The following PTPRT variants were observed in gnomAD, a reference collection of about 807,000 sequenced individuals.
PTPRT encodes the protein receptor-type tyrosine-protein phosphatase T.
A neutral mutation model predicts 176.8 loss-of-function variants in PTPRT; 56 were observed. The ratio of observed to expected loss-of-function variants is 0.32; its 90% CI spans 0.26 to 0.40. PTPRT has a LOEUF of 0.40. Among genes scored for constraint, PTPRT ranks in the 10% least tolerant of loss-of-function variants. The pLI is 1.00. For synonymous variants in PTPRT, 783 were observed against 739.0 expected, an observed-to-expected ratio of 1.06 and a Z score of -0.96; for missense variants, 1,540 against 1,908.2, an observed-to-expected ratio of 0.81 and a Z score of 3.60.
chr20:42,799,991 A>G (rs2077506692), intron 2 of PTPRT, among the ~76,000 whole-genome samples: 1 of 152,180 alleles, frequency 6.6e-6, no homozygotes, highest in African/African-American at 2.4e-5. Context: ...GTTCCCAAAG[A>G]AATGCAGTAC....
chr20:42,845,007 G>A (rs966223018), intron 2 of PTPRT, among the ~76,000 whole-genome samples: 5 of 152,096 alleles, frequency 3.3e-5, no homozygotes, highest in Admixed American at 1.3e-4. Context: ...TTTGCTTGAC[G>A]GGGACCATCA....
chr20:42,437,372 A>G (rs1329580029), intron 9 of PTPRT, among the ~76,000 whole-genome samples: 1 of 152,226 alleles, frequency 6.6e-6, no homozygotes. Context: ...TTGGGAAAGA[A>G]GCCAACTAGT....
intron 1 of PTPRT, among the ~76,000 whole-genome samples, chr20:43,043,842 T>A (rs1321511999): frequency 6.6e-6 from 1 of 152,184 alleles, no homozygotes; most frequent in African/African-American, 2.4e-5. Flanking sequence ...GTGAAGAAGA[T>A]GATTTTTTAA....
chr20:43,157,369 A>G (rs2014553908), intron 1 of PTPRT, among the ~76,000 whole-genome samples: 1 of 152,128 alleles, frequency 6.6e-6, no homozygotes. Context: ...GTCTCAAACA[A>G]ACAAAAGATA....
At chr20:42,063,939 G>A in the PTPRT span, 1 of 151,926 alleles carries the variant, frequency 6.6e-6, no homozygotes, top group African/African-American at 2.4e-5. Flanking sequence ...CTTAAACATT[G>A]ACAATGTATA....
At chr20:42,403,298 C>A (rs748539556) in intron 9 of PTPRT, among the ~76,000 whole-genome samples, 8 of 152,158 alleles carry the variant, frequency 5.3e-5, no homozygotes, top group Non-Finnish European at 1.2e-4. Context: ...CTAAACATTT[C>A]TCTATTTGTT....
intron 13 of PTPRT, among the ~76,000 whole-genome samples, chr20:42,271,875 A>G (rs1420649025): frequency 1.3e-5 from 2 of 152,248 alleles, no homozygotes; most frequent in African/African-American, 4.8e-5. Flanking sequence ...TTCCAGACCA[A>G]CTGATAAACA....
chr20:42,054,605 C>A, the PTPRT span, among the ~76,000 whole-genome samples: 2 of 152,150 alleles, frequency 1.3e-5, no homozygotes, highest in African/African-American at 4.8e-5. Context: ...GAGGGGGCCC[C>A]TTGTAGGGTC....
chr20:42,455,484 C>T (rs2070906349), intron 8 of PTPRT, among the ~76,000 whole-genome samples: 1 of 152,050 alleles, frequency 6.6e-6, no homozygotes, highest in Admixed American at 6.6e-5. Context: ...CTGAATAAAC[C>T]CACACAAAAG....
intron 7 of PTPRT, among the ~76,000 whole-genome samples, chr20:42,640,691 C>G (rs2074725189): frequency 6.6e-6 from 1 of 152,090 alleles, no homozygotes. Flanking sequence ...CTAATCAACA[C>G]AAGTATTGAA....
chr20:42,448,211 C>T lies in PTPRT; in HGVS notation c.1560+9G>A. ...AAGCCAATGGATGCAGCACAAGGGA[C>T]CTCCTTACCTCGTAGAGCGTGATGA... On this transcript the variant is annotated intron_variant, in intron 9 of 30. Transcript: ENST00000373187. The T allele has an allele frequency of 6.3e-7, 1 of 1,592,322 alleles. No homozygotes were observed. The highest frequency in any genetic ancestry group is 1.1e-5 in the South Asian group (1 of 90,586).
intron 14 of PTPRT, 34 bp from the exon 15 acceptor site, chr20:42,236,292 G>A (rs2056240976): frequency 6.6e-7 from 1 of 1,516,622 alleles, no homozygotes; most frequent in African/African-American, 1.4e-5. Flanking sequence ...TGAAGGAAAT[G>A]TCCAAAATGG....
intron 6 of PTPRT, among the ~76,000 whole-genome samples, chr20:42,718,607 G>A (rs1218875801): frequency 6.6e-6 from 1 of 151,986 alleles, no homozygotes; most frequent in African/African-American, 2.4e-5. Flanking sequence ...AATTTCAAGT[G>A]GAAGAAACTA....
At chr20:42,890,220 C>G (rs575981550) in intron 1 of PTPRT, among the ~76,000 whole-genome samples, 3 of 152,338 alleles carry the variant, frequency 2.0e-5, no homozygotes, top group African/African-American at 7.2e-5. Context: ...TGGATACCCA[C>G]TCCCTATTGG....
intron 2 of PTPRT, among the ~76,000 whole-genome samples, chr20:42,870,162 C>T (rs1416420061): frequency 6.6e-6 from 1 of 152,084 alleles, no homozygotes; most frequent in Non-Finnish European, 1.5e-5. Context: ...TTCCCTATCT[C>T]CCTCCTCTCC....
intron 14 of PTPRT, among the ~76,000 whole-genome samples, chr20:42,247,774 C>T (rs978591497): frequency 1.4e-4 from 22 of 152,026 alleles, no homozygotes; most frequent in Admixed American, 8.5e-4. Flanking sequence ...ACTGAGAAGA[C>T]GTGGAGGTGG....
intron 16 of PTPRT, among the ~76,000 whole-genome samples, chr20:42,170,563 G>A (rs770073221): frequency 6.6e-6 from 1 of 152,090 alleles, no homozygotes; most frequent in Non-Finnish European, 1.5e-5. Flanking sequence ...AATGGGCACT[G>A]GAATCTGTAA....
At chr20:42,123,669 T>C (rs1362951726) in intron 19 of PTPRT, among the ~76,000 whole-genome samples, 1 of 152,204 alleles carries the variant, frequency 6.6e-6, no homozygotes, top group African/African-American at 2.4e-5. Flanking sequence ...TCTTCAGAGA[T>C]AGGGATCACA....
At chr20:42,389,830 G>T (rs571168413) in intron 9 of PTPRT, among the ~76,000 whole-genome samples, 38 of 144,380 alleles carry the variant, frequency 2.6e-4, no homozygotes, top group African/African-American at 8.9e-4. Flanking sequence ...ATTCCAGCCT[G>T]GGAAACAGAG....
Sources: gnomAD v4.1 joint callset for allele counts (sites outside exome capture counted in the v4.1 genomes callset) on GRCh38, gnomAD v4.1.1 for gene constraint, MANE v1.5 for transcripts, NCBI Gene and HGNC (gene_info 2026-07-23, HGNC 2026-07-21) for gene names.